Variants in MKLN1 observed in about 807,000 individuals in gnomAD.
MKLN1 encodes the protein muskelin.
In MKLN1, 18 loss-of-function variants were observed where a neutral mutation model predicts 99.0. The ratio of observed to expected loss-of-function variants is 0.18; its 90% CI spans 0.13 to 0.27. The LOEUF (loss-of-function observed/expected upper bound fraction) is 0.27. Among genes scored for constraint, MKLN1 ranks in the 10% least tolerant of loss-of-function variants. The probability of loss-of-function intolerance (pLI) is 1.00; values close to 1 mark genes in which losing one functional copy is unlikely to be tolerated. For missense variants in MKLN1, 621 were observed against 875.9 expected (o/e 0.71, Z 3.67); for synonymous variants, 288 against 293.2 (o/e 0.98, Z 0.18).
At chr7:131,330,985 C>T (rs896094408) in intron 1 of MKLN1, among the ~76,000 whole-genome samples, 9 of 152,066 alleles carry the variant, frequency 5.9e-5, no homozygotes, top group Admixed American at 5.2e-4. Flanking sequence ...ATTAAATACA[C>T]TTATTTAAAT....
At chr7:131,257,048 G>A (rs1434457788) in intron 3 of MKLN1, among the ~76,000 whole-genome samples, 1 of 152,006 alleles carries the variant, frequency 6.6e-6, no homozygotes, top group African/African-American at 2.4e-5. Flanking sequence ...ATCTTTAAAA[G>A]ACATAAAATC....
chr7:131,171,464 CT>C (rs111266777), intron 2 of MKLN1, among the ~76,000 whole-genome samples: 9,044 of 148,728 alleles, frequency 0.061, 332 homozygotes, highest in African/African-American at 0.12. Flanking sequence ...ATTTTTCTTT[CT>C]TTTTTTTTTG....
At chr7:131,248,809 TG>T (rs372886924) in intron 3 of MKLN1, among the ~76,000 whole-genome samples, 1,529 of 152,324 alleles carry the variant, frequency 0.01, 19 homozygotes, top group South Asian at 0.053. Context: ...TGTACCCACA[TG>T]GGTGGGCACC....
intron 2 of MKLN1, among the ~76,000 whole-genome samples, chr7:131,186,619 T>C (rs373139383): frequency 5.3e-5 from 8 of 152,204 alleles, no homozygotes; most frequent in East Asian, 3.8e-4. Context: ...TTTTATTACT[T>C]TACTGTCACT....
At chr7:131,287,595 A>G (rs1222772316) in intron 3 of MKLN1, among the ~76,000 whole-genome samples, 1 of 150,826 alleles carries the variant, frequency 6.6e-6, no homozygotes, top group Non-Finnish European at 1.5e-5. Flanking sequence ...TTAATCACAT[A>G]TTTTGCCATG....
intron 3 of MKLN1, chr7:131,242,557 C>T: frequency 7.8e-6 from 3 of 382,578 alleles, no homozygotes; most frequent in Non-Finnish European, 1.5e-5. Context: ...AAGGAAAGTT[C>T]CTTTTTGCTA....
intron 6 of MKLN1, among the ~76,000 whole-genome samples, chr7:131,409,203 A>G (rs1794797279): frequency 6.6e-6 from 1 of 152,216 alleles, no homozygotes; most frequent in African/African-American, 2.4e-5. Context: ...CATTGTTTCA[A>G]TAGAGAGGCT....
At chr7:131,192,401 TAA>T (rs1340246279) in intron 2 of MKLN1, among the ~76,000 whole-genome samples, 1 of 111,800 alleles carries the variant, frequency 8.9e-6, no homozygotes, top group Non-Finnish European at 1.8e-5. Context: ...TATAAATATA[TAA>T]AATATATAAT....
intron 3 of MKLN1, among the ~76,000 whole-genome samples, chr7:131,222,002 T>G (rs1584846517): frequency 6.6e-6 from 1 of 151,546 alleles, no homozygotes; most frequent in Admixed American, 6.6e-5. Context: ...GCCTCCTGGG[T>G]TCAAGCAATT....
chr7:131,253,318 C>T (rs1429947262), intron 3 of MKLN1, among the ~76,000 whole-genome samples: 1 of 152,044 alleles, frequency 6.6e-6, no homozygotes, highest in Non-Finnish European at 1.5e-5. Context: ...AGATACCAGT[C>T]AAGGACTACA....
Position 131,126,096 on chromosome 7 carries a change from A to T in MKLN1, c.-419+15889A>T, listed in dbSNP as rs536675642. Among the ~76,000 whole-genome samples, 15 of 151,748 alleles carry T rather than the reference A, an allele frequency of 9.9e-5. No individual in the cohort carries two copies. In the South Asian group the frequency reaches 3.1e-3, roughly 31 times the overall value. ...AATCCAGAAGAAAAAGATTAAAAAG[A>T]TCAATCTGGTTGTTCTGGAAGTGTT... On this transcript the variant is annotated intron_variant, in intron 1 of 7. Coordinates refer to the MKLN1 transcript ENST00000416992.
chr7:131,389,003 A>C (rs748304457), intron 4 of MKLN1, 31 bp downstream of exon 4: 2 of 1,447,436 alleles, frequency 1.4e-6, no homozygotes, highest in Non-Finnish European at 1.9e-6. Flanking sequence ...AATAGAAACA[A>C]ATTCTTGATA....
chr7:131,433,461 T>C (rs1019665397), intron 9 of MKLN1, among the ~76,000 whole-genome samples: 7 of 152,094 alleles, frequency 4.6e-5, no homozygotes, highest in African/African-American at 1.5e-4. Flanking sequence ...TGGAGACATT[T>C]CAAGATTATG....
intron 3 of MKLN1, among the ~76,000 whole-genome samples, chr7:131,213,349 A>G (rs1377066119): frequency 1.3e-5 from 2 of 152,206 alleles, no homozygotes; most frequent in Non-Finnish European, 2.9e-5. Context: ...CAGGTTACTT[A>G]TCCTTCCTCT....
intron 2 of MKLN1, among the ~76,000 whole-genome samples, chr7:131,145,762 A>G (rs1327626785): frequency 6.6e-6 from 1 of 152,182 alleles, no homozygotes; most frequent in East Asian, 1.9e-4. Flanking sequence ...ATGAGTGGAG[A>G]TGTAAGCACG....
chr7:131,142,788 T>C (rs752565088), intron 1 of MKLN1: 21 of 555,376 alleles, frequency 3.8e-5, no homozygotes, highest in Non-Finnish European at 5.7e-5. Context: ...GAGGTAGACT[T>C]CACATCTGTC....
chr7:131,417,081 A>G (rs1396263069), intron 8 of MKLN1, among the ~76,000 whole-genome samples: 1 of 151,980 alleles, frequency 6.6e-6, no homozygotes, highest in African/African-American at 2.4e-5. Context: ...GAGAATGACT[A>G]TTGTAGTCAT....
At chr7:131,346,321 G>A (rs1232038771) in intron 1 of MKLN1, among the ~76,000 whole-genome samples, 2 of 152,078 alleles carry the variant, frequency 1.3e-5, no homozygotes. Flanking sequence ...CTAGGAGTTC[G>A]AGACCAGCCT....
chr7:131,169,412 G>A (rs557639115), intron 2 of MKLN1, among the ~76,000 whole-genome samples: 12 of 152,232 alleles, frequency 7.9e-5, no homozygotes, highest in African/African-American at 2.9e-4. Flanking sequence ...TGTCTACAGT[G>A]TCTCGATAAC....
Sources: allele counts gnomAD v4.1 joint callset (sites outside exome capture counted in the v4.1 genomes callset), GRCh38; gene constraint gnomAD v4.1.1; transcripts MANE v1.5; gene names NCBI Gene and HGNC (gene_info 2026-07-23, HGNC 2026-07-21).